SPATA31D3: variants seen among roughly 807,000 people sequenced by gnomAD.
SPATA31D3 encodes SPATA31 subfamily D member 3, also known as spermatogenesis-associated protein 31D3.
For missense variants in SPATA31D3, 91 were observed against 297.9 expected (o/e 0.31, Z 5.11); for synonymous variants, 27 against 107.8 (o/e 0.25, Z 4.65).
At position 81,949,074 on chromosome 9, in the gene SPATA31D3, T is replaced by A. The variant is rs1823956758; in HGVS notation, c.*1067T>A. On this transcript the variant is annotated 3_prime_UTR_variant, in exon 4 of 4. Coordinates refer to ENST00000445385, the MANE Select transcript of SPATA31D3 (RefSeq NM_207416.3). ...ACTTGGGAACTTCCCAGGTGCTGCA[T>A]GTCCACTTGGAGGTCAGAGGAATCC... 3.6e-6 allele frequency: 2 copies of A among 559,786 alleles called. No homozygotes were observed. The highest frequency in any genetic ancestry group is 6.7e-6 in the Non-Finnish European group (2 of 299,780). 34.7% of individuals were successfully genotyped at this position (559,786 alleles called of 1,614,324 possible).
In SPATA31D3 at chr9:81,949,595, A is replaced by T. The variant is rs747193082; in HGVS notation, c.*1588A>T. The T allele has an allele frequency of 1.9e-4, 126 of 666,514 alleles. No individual in the cohort carries two copies. Among genetic ancestry groups the T allele is most frequent in the Non-Finnish European group, 3.3e-4 (118 of 359,550 alleles). 41.3% of individuals were successfully genotyped at this position (666,514 alleles called of 1,614,324 possible). Reference sequence around the variant, plus strand: ...CATTGAATAGATATCACCTGTCCCCAGGAGCCCCTTTCCTCCCCAGTGCAG... The same window carrying T: ...CATTGAATAGATATCACCTGTCCCCTGGAGCCCCTTTCCTCCCCAGTGCAG... On this transcript the variant is annotated 3_prime_UTR_variant, in exon 4 of 4. Coordinates refer to ENST00000445385, the MANE Select transcript of SPATA31D3 (RefSeq NM_207416.3).
chr9:81,949,844 A>T lies in SPATA31D3; in HGVS notation c.*1837A>T. On this transcript the variant is annotated 3_prime_UTR_variant, in exon 4 of 4. Transcript: ENST00000445385. ...CATTTAAGGGGAAGATATTGTGTCA[A>T]AGGCATCCCCAATCCATGCCCCACA... The T allele has an allele frequency of 1.0e-6, 1 of 991,900 alleles. No individual in the cohort carries two copies. The highest frequency in any genetic ancestry group is 1.6e-6 in the Non-Finnish European group (1 of 639,348). The allele number at this position is 991,900 out of a possible 1,614,324, so 61.4% of individuals were successfully genotyped here.
rs1390370546 is a variant in SPATA31D3 at position 81,948,033 on chromosome 9, G to A, written c.*26G>A. The A allele has an allele frequency of 1.3e-6, 2 of 1,597,228 alleles. No individual in the cohort carries two copies. Among genetic ancestry groups the A allele is most frequent in the African/African-American group, 2.7e-5 (2 of 73,800 alleles). The stretch of plus-strand genomic sequence containing the variant: ...GGATGCTGTGGGGCCTTCCCCGCAA[G>A]ATCCGTGAACCCACAGAAATCTTCA... On this transcript the variant is annotated 3_prime_UTR_variant, in exon 4 of 4. Transcript: ENST00000445385.
chr9:81,949,695 G>A lies in SPATA31D3; in HGVS notation c.*1688G>A, dbSNP rs1823990443. 8.0e-6 allele frequency: 11 copies of A among 1,380,406 alleles called. No homozygotes were observed. Among genetic ancestry groups the A allele is most frequent in the African/African-American group, 7.1e-5 (5 of 70,018 alleles). 85.5% of individuals were successfully genotyped at this position (1,380,406 alleles called of 1,614,324 possible). On this transcript the variant is annotated 3_prime_UTR_variant, in exon 4 of 4. Coordinates refer to ENST00000445385, the MANE Select transcript of SPATA31D3 (RefSeq NM_207416.3). ...TCCAGGGCTATCCCTGCAACTACAT[G>A]GCTCCCTCCTGCAAAGTGACATGTA...
At position 81,949,505 on chromosome 9, in the gene SPATA31D3, C is replaced by A. The variant is rs141151564; in HGVS notation, c.*1498C>A. ...AAAAGTAGAGCTGTCTTTACTGGGA[C>A]TATTGAAGCTCAGAAAATTAGGAAA... On this transcript the variant is annotated 3_prime_UTR_variant, in exon 4 of 4. Coordinates refer to ENST00000445385, the MANE Select transcript of SPATA31D3 (RefSeq NM_207416.3). The A allele has an allele frequency of 9.8e-5, 53 of 538,784 alleles. No individual in the cohort carries two copies. The highest frequency in any genetic ancestry group is 8.2e-4 in the African/African-American group (43 of 52,316). The allele number at this position is 538,784 out of a possible 1,614,324, so 33.4% of individuals were successfully genotyped here. A position where few individuals can be genotyped will look rare whatever the true frequency, so the allele number is the denominator to read the frequency against.
Position 81,949,315 on chromosome 9 carries a change from T to G in SPATA31D3, c.*1308T>G, listed in dbSNP as rs1456200546. ...AAGGGAGTCGCTTGGGAGCAAATCT[T>G]CCCCAACCTTGAAAACACAGCCTCC... On this transcript the variant is annotated 3_prime_UTR_variant, in exon 4 of 4. Transcript: ENST00000445385. 1.3e-5 allele frequency: 5 copies of G among 371,072 alleles called. No individual in the cohort carries two copies. The highest frequency in any genetic ancestry group is 2.1e-5 in the Non-Finnish European group (4 of 190,834). 23.0% of individuals were successfully genotyped at this position (371,072 alleles called of 1,614,324 possible). A position where few individuals can be genotyped will look rare whatever the true frequency, so the allele number is the denominator to read the frequency against.
rs1823863824 is a variant in SPATA31D3 at position 81,945,215 on chromosome 9, A to G, written c.276A>G (p.Leu92=). Residue 92 remains leucine, a synonymous_variant, in exon 3 of 4, where the codon CTA becomes CTG. Coordinates refer to ENST00000445385, the MANE Select transcript of SPATA31D3 (RefSeq NM_207416.3). ...AGGAAGCAGAAGAGGAAAGAAAGCTACATTCTTTTCTGAAAAGGTGATTAA... is the reference window on the plus strand; with the variant it reads ...AGGAAGCAGAAGAGGAAAGAAAGCTGCATTCTTTTCTGAAAAGGTGATTAA... ...LQKEAEEERK[L]HSFLKSFGPP... 1 of 993,730 alleles carries G rather than the reference A, an allele frequency of 1.0e-6. No individual in the cohort carries two copies. The highest frequency in any genetic ancestry group is 1.3e-6 in the Non-Finnish European group (1 of 757,434). The allele number at this position is 993,730 out of a possible 1,614,324, so 61.6% of individuals were successfully genotyped here. A position where few individuals can be genotyped will look rare whatever the true frequency, so the allele number is the denominator to read the frequency against.
Position 81,949,928 on chromosome 9 carries a change from G to A in SPATA31D3, c.*1921G>A, listed in dbSNP as rs1824005470. 17 of 589,812 alleles carry A rather than the reference G, an allele frequency of 2.9e-5. 1 individual carries two copies. The South Asian group carries it at 3.1e-4, about 11-fold the overall frequency. 36.5% of individuals were successfully genotyped at this position (589,812 alleles called of 1,614,324 possible). A position where few individuals can be genotyped will look rare whatever the true frequency, so the allele number is the denominator to read the frequency against. On this transcript the variant is annotated 3_prime_UTR_variant, in exon 4 of 4. Transcript: ENST00000445385. ...GTGTGAAGTCAACCTGGTGCCTCCG[G>A]TCATCCTGACCAGTGCTAAAAACAC...
chr9:81,949,915 C>A lies in SPATA31D3; in HGVS notation c.*1908C>A. On this transcript the variant is annotated 3_prime_UTR_variant, in exon 4 of 4. Transcript: ENST00000445385. ...AACCCCACTTGCAGTGTGAAGTCAACCTGGTGCCTCCGGTCATCCTGACCA... is the reference window on the plus strand; with the variant it reads ...AACCCCACTTGCAGTGTGAAGTCAAACTGGTGCCTCCGGTCATCCTGACCA... The A allele has an allele frequency of 6.5e-6, 4 of 614,430 alleles. No individual in the cohort carries two copies. Among genetic ancestry groups the A allele is most frequent in the Non-Finnish European group, 1.2e-5 (4 of 342,282 alleles). 38.1% of individuals were successfully genotyped at this position (614,430 alleles called of 1,614,324 possible).
Position 81,947,351 on chromosome 9 carries a change from C to T in SPATA31D3, c.2098C>T (p.Pro700Ser), listed in dbSNP as rs200894002. 2.7e-6 allele frequency: 2 copies of T among 738,482 alleles called. No homozygotes were observed. The highest frequency in any genetic ancestry group is 1.9e-5 in the South Asian group (1 of 52,060). 45.7% of individuals were successfully genotyped at this position (738,482 alleles called of 1,614,324 possible). A position where few individuals can be genotyped will look rare whatever the true frequency, so the allele number is the denominator to read the frequency against. ...GCTCATCCAGCGCAGATGGGGCCTG[C>T]CCCGCAGAATCCATGAGTCTCTGTC... ...KRLIQRRWGL[P>S]RRIHESLSLL... is the part of the protein sequence containing the mutation. Residue 700 changes from proline to serine, a missense_variant, in exon 4 of 4, where the codon CCC becomes TCC. By Grantham distance (74) the Pro-to-Ser change is moderately conservative. Transcript: ENST00000445385.
rs577961498 is a variant in SPATA31D3, at chr9:81,949,847, G to A, written c.*1840G>A. On this transcript the variant is annotated 3_prime_UTR_variant, in exon 4 of 4. Transcript: ENST00000445385. ...TTAAGGGGAAGATATTGTGTCAAAG[G>A]CATCCCCAATCCATGCCCCACAGGA... 8 of 975,954 alleles carry A rather than the reference G, an allele frequency of 8.2e-6. No homozygotes were observed. In the East Asian group the frequency reaches 1.2e-4, roughly 15 times the overall value. 60.5% of individuals were successfully genotyped at this position (975,954 alleles called of 1,614,324 possible). A position where few individuals can be genotyped will look rare whatever the true frequency, so the allele number is the denominator to read the frequency against.
rs967979099 is a variant in SPATA31D3, at chr9:81,949,342, C to G, written c.*1335C>G. On this transcript the variant is annotated 3_prime_UTR_variant, in exon 4 of 4. Transcript: ENST00000445385. ...CCCAACCTTGAAAACACAGCCTCCT[C>G]CTGAAAACCTTTTCGGAACATTGAT... 1 of 362,534 alleles carries G rather than the reference C, an allele frequency of 2.8e-6. No individual in the cohort carries two copies. Among genetic ancestry groups the G allele is most frequent in the Non-Finnish European group, 5.4e-6 (1 of 184,840 alleles). The allele number at this position is 362,534 out of a possible 1,614,324, so 22.5% of individuals were successfully genotyped here. A position where few individuals can be genotyped will look rare whatever the true frequency, so the allele number is the denominator to read the frequency against.
At position 81,949,975 on chromosome 9, in the gene SPATA31D3, A is replaced by C; in HGVS notation, c.*1968A>C. The C allele has an allele frequency of 2.5e-6, 1 of 404,548 alleles. No homozygotes were observed. Among genetic ancestry groups the C allele is most frequent in the Non-Finnish European group, 4.5e-6 (1 of 221,922 alleles). The allele number at this position is 404,548 out of a possible 1,614,324, so 25.1% of individuals were successfully genotyped here. A position where few individuals can be genotyped will look rare whatever the true frequency, so the allele number is the denominator to read the frequency against. On this transcript the variant is annotated 3_prime_UTR_variant, in exon 4 of 4. Coordinates refer to ENST00000445385, the MANE Select transcript of SPATA31D3 (RefSeq NM_207416.3). The stretch of plus-strand genomic sequence containing the variant: ...ACACTGTGTTCAGTGATGTGCCTTT[A>C]CTAACTGGACAGAAAATACTTCCAA...
In SPATA31D3 at chr9:81,948,152, C is replaced by G. The variant is rs1332756340; in HGVS notation, c.*145C>G. 4 of 1,423,514 alleles carry G rather than the reference C, an allele frequency of 2.8e-6. 1 individual carries two copies. The highest frequency in any genetic ancestry group is 3.8e-5 in the African/African-American group (2 of 52,664). 88.2% of individuals were successfully genotyped at this position (1,423,514 alleles called of 1,614,324 possible). Reference sequence around the variant, plus strand: ...CAGGGAGATTCCAAAGATGGGGTCTCTAAGTCTTGTAGACGAAGCACTTTT... The same window carrying G: ...CAGGGAGATTCCAAAGATGGGGTCTGTAAGTCTTGTAGACGAAGCACTTTT... On this transcript the variant is annotated 3_prime_UTR_variant, in exon 4 of 4. Coordinates refer to ENST00000445385, the MANE Select transcript of SPATA31D3 (RefSeq NM_207416.3).
At position 81,947,431 on chromosome 9, in the gene SPATA31D3, TG is replaced by T; in HGVS notation, c.2180del (p.Gly727ValfsTer3). 1 of 1,186,308 alleles carries T rather than the reference TG, an allele frequency of 8.4e-7. No individual in the cohort carries two copies. The highest frequency in any genetic ancestry group is 1.2e-6 in the Non-Finnish European group (1 of 866,430). The allele number at this position is 1,186,308 out of a possible 1,614,324, so 73.5% of individuals were successfully genotyped here. ...AGCTATCTGTGTCAGAGAGCATTCA[TG>T]GTCCATTAAATATCTCTTTGGTTGA... The part of the protein sequence containing the change: ...SELSVSESIH[G>X]PLNISLVEGQ... On this transcript the variant is annotated frameshift_variant, in exon 4 of 4. Transcript: ENST00000445385. LOFTEE classifies it low-confidence loss of function (END_TRUNC).
chr9:81,950,057 T>G lies in SPATA31D3; in HGVS notation c.*2050T>G. The G allele has an allele frequency of 3.4e-6, 1 of 297,506 alleles. No individual in the cohort carries two copies. The highest frequency in any genetic ancestry group is 6.3e-6 in the Non-Finnish European group (1 of 158,568). The allele number at this position is 297,506 out of a possible 1,614,324, so 18.4% of individuals were successfully genotyped here. A position where few individuals can be genotyped will look rare whatever the true frequency, so the allele number is the denominator to read the frequency against. On this transcript the variant is annotated 3_prime_UTR_variant, in exon 4 of 4. Transcript: ENST00000445385. ...AAAATAATTAACTCCTTGTTGAGAA[T>G]CTTGACTCTCCCCAATAAACGTTCT...
In SPATA31D3 at chr9:81,949,541, A is replaced by T. The variant is rs975496562; in HGVS notation, c.*1534A>T. 2.9e-5 allele frequency: 17 copies of T among 582,760 alleles called. No homozygotes were observed. In the Admixed American group the frequency reaches 4.0e-4, roughly 14 times the overall value. The allele number at this position is 582,760 out of a possible 1,614,324, so 36.1% of individuals were successfully genotyped here. Reference sequence around the variant, plus strand: ...CAGAAAATTAGGAAAGACACTGGGGAGTTCATAGAAGAGAAGCTGGGGCAT... The same window carrying T: ...CAGAAAATTAGGAAAGACACTGGGGTGTTCATAGAAGAGAAGCTGGGGCAT... On this transcript the variant is annotated 3_prime_UTR_variant, in exon 4 of 4. Transcript: ENST00000445385.
In SPATA31D3 at chr9:81,949,546, A is replaced by G. The variant is rs1283625242; in HGVS notation, c.*1539A>G. The G allele has an allele frequency of 3.7e-5, 22 of 591,362 alleles. No homozygotes were observed. The highest frequency in any genetic ancestry group is 2.7e-4 in the Middle Eastern group (1 of 3,674). 36.6% of individuals were successfully genotyped at this position (591,362 alleles called of 1,614,324 possible). ...AATTAGGAAAGACACTGGGGAGTTCATAGAAGAGAAGCTGGGGCATAGACA... is the reference window on the plus strand; with the variant it reads ...AATTAGGAAAGACACTGGGGAGTTCGTAGAAGAGAAGCTGGGGCATAGACA... On this transcript the variant is annotated 3_prime_UTR_variant, in exon 4 of 4. Transcript: ENST00000445385.
In SPATA31D3 at chr9:81,947,833, T is replaced by C; in HGVS notation, c.2580T>C (p.Leu860=). 3 of 1,604,638 alleles carry C rather than the reference T, an allele frequency of 1.9e-6. No homozygotes were observed. In the East Asian group the frequency reaches 6.8e-5, roughly 36 times the overall value. The change falls in exon 4 of 4, where the codon CTT becomes CTC. Residue 860 remains leucine, a synonymous_variant. Transcript: ENST00000445385. The part of the protein sequence containing the change: ...SWHSVKQTIC[L]PEKSHSQIKH... ...ACTCAGTCAAGCAGACAATATGTCT[T>C]CCTGAGAAATCCCACAGCCAAATTA...
Sources: allele counts gnomAD v4.1 joint callset, GRCh38; gene constraint gnomAD v4.1.1; transcripts MANE v1.5; gene names NCBI Gene and HGNC (gene_info 2026-07-23, HGNC 2026-07-21).